TSHZ2: variants seen among roughly 807,000 people sequenced by gnomAD.
TSHZ2 encodes the protein teashirt homolog 2.
In TSHZ2, 21 loss-of-function variants were observed where a neutral mutation model predicts 74.4. That is an observed-to-expected ratio of 0.28 (90% CI 0.20 to 0.41). The LOEUF (loss-of-function observed/expected upper bound fraction) is 0.41, where lower values mean the gene tolerates loss of function less well. Ranked by LOEUF, TSHZ2 falls within the 10% of genes least tolerant of loss-of-function variation. The pLI, the probability that TSHZ2 is intolerant of heterozygous loss-of-function variation, is 1.00. For synonymous variants in TSHZ2, 540 were observed against 515.3 expected, an observed-to-expected ratio of 1.05 and a Z score of -0.65; for missense variants, 1,244 against 1,293.5, an observed-to-expected ratio of 0.96 and a Z score of 0.59.
At chr20:53,109,237 A>T (rs1342709563) in intron 1 of TSHZ2, among the ~76,000 whole-genome samples, 1 of 152,224 alleles carries the variant, frequency 6.6e-6, no homozygotes, top group Non-Finnish European at 1.5e-5. Context: ...GGATTAAATG[A>T]GTTAGAGCTA....
intron 1 of TSHZ2, among the ~76,000 whole-genome samples, chr20:53,243,306 T>G (rs755206843): frequency 8.5e-5 from 13 of 152,158 alleles, no homozygotes; most frequent in Non-Finnish European, 1.6e-4. Flanking sequence ...AGGGTAGTTC[T>G]GAGATGGAAA....
chr20:53,142,823 GAA>G (rs34283169), intron 1 of TSHZ2, among the ~76,000 whole-genome samples: 58 of 141,552 alleles, frequency 4.1e-4, no homozygotes, highest in Middle Eastern at 3.6e-3. Context: ...GTATTAAGAT[GAA>G]AAAAAAAAAA....
chr20:53,473,673 C>G (rs1985902104), intron 2 of TSHZ2, among the ~76,000 whole-genome samples: 1 of 151,516 alleles, frequency 6.6e-6, no homozygotes, highest in Non-Finnish European at 1.5e-5. Context: ...CTTTGACGAG[C>G]TGAGAGAAAA....
intron 1 of TSHZ2, among the ~76,000 whole-genome samples, chr20:53,154,186 G>A (rs753662031): frequency 2.6e-5 from 4 of 152,150 alleles, no homozygotes; most frequent in Non-Finnish European, 4.4e-5. Context: ...GACTAGAACA[G>A]GGGACTTGAA....
At chr20:53,089,341 T>TTTTTTTTTTTTTTTTTTTA (rs370108566) in intron 1 of TSHZ2, among the ~76,000 whole-genome samples, 1 of 129,742 alleles carries the variant, frequency 7.7e-6, no homozygotes, top group Non-Finnish European at 1.6e-5. Context: ...TTTTTTTTTT[T>TTTTTTTTTTTTTTTTTTTA]ATTAAACAGA....
intron 1 of TSHZ2, chr20:53,198,135 G>A (rs1251200331): frequency 6.6e-6 from 1 of 152,170 alleles, no homozygotes; most frequent in Non-Finnish European, 1.5e-5. Flanking sequence ...TTGAGAATTT[G>A]GTAAAAGCTA....
intron 1 of TSHZ2, among the ~76,000 whole-genome samples, chr20:52,977,303 C>T (rs751507642): frequency 6.6e-6 from 1 of 152,090 alleles, no homozygotes; most frequent in Non-Finnish European, 1.5e-5. Context: ...CCCTTCCTCC[C>T]TCACTTTGTT....
intron 1 of TSHZ2, among the ~76,000 whole-genome samples, chr20:53,250,216 T>C (rs959180758): frequency 6.6e-6 from 1 of 152,256 alleles, no homozygotes; most frequent in Non-Finnish European, 1.5e-5. Flanking sequence ...ACAGTTCTTT[T>C]GTCCTGTGCT....
At chr20:53,283,474 A>G (rs952338391) in intron 2 of TSHZ2, among the ~76,000 whole-genome samples, 1 of 152,198 alleles carries the variant, frequency 6.6e-6, no homozygotes, top group African/African-American at 2.4e-5. Flanking sequence ...AAGCGCCTTG[A>G]CCATCACCAC....
intron 1 of TSHZ2, among the ~76,000 whole-genome samples, chr20:53,230,146 T>C (rs1989789337): frequency 6.6e-6 from 1 of 152,130 alleles, no homozygotes; most frequent in Non-Finnish European, 1.5e-5. Flanking sequence ...GAATGGACAT[T>C]GTTCACTCAT....
At chr20:53,478,375 A>C (rs1986044285) in intron 2 of TSHZ2, among the ~76,000 whole-genome samples, 1 of 151,974 alleles carries the variant, frequency 6.6e-6, no homozygotes, top group Non-Finnish European at 1.5e-5. Context: ...ACATGGATGA[A>C]ATTGGAAGTC....
intron 1 of TSHZ2, among the ~76,000 whole-genome samples, chr20:53,079,254 G>T (rs1349151147): frequency 6.6e-6 from 1 of 152,178 alleles, no homozygotes. Flanking sequence ...ACTTGGCTGA[G>T]CTCCTGGGTG....
At chr20:53,340,173 CTTTCTTTTTTCTT>C (rs1341367159) in intron 2 of TSHZ2, among the ~76,000 whole-genome samples, 14 of 62,122 alleles carry the variant, frequency 2.3e-4, no homozygotes, top group African/African-American at 1.1e-3. Context: ...GGTGACTTTT[CTTTCTTTTTTCTT>C]TTTTTTTTTT....
At chr20:53,039,781 AACAC>A (rs61356112) in intron 1 of TSHZ2, among the ~76,000 whole-genome samples, 62,749 of 149,428 alleles carry the variant, frequency 0.42, 13,999 homozygotes, top group East Asian at 0.63. Context: ...CTCCATCTCA[AACAC>A]ACACACACAC....
intron 1 of TSHZ2, among the ~76,000 whole-genome samples, chr20:53,241,498 T>A (rs1444171123): frequency 6.6e-6 from 1 of 152,156 alleles, no homozygotes; most frequent in East Asian, 1.9e-4. Context: ...CTCAATCTGA[T>A]AAGGGGATTT....
chr20:53,248,120 C>T (rs1008955313), intron 1 of TSHZ2, among the ~76,000 whole-genome samples: 7 of 152,168 alleles, frequency 4.6e-5, no homozygotes, highest in Non-Finnish European at 1.0e-4. Context: ...ACCCAGACTG[C>T]AGGGCAGTGG....
chr20:53,482,294 C>T (rs530489585), intron 2 of TSHZ2, among the ~76,000 whole-genome samples: 1 of 151,968 alleles, frequency 6.6e-6, no homozygotes, highest in Admixed American at 6.6e-5. Flanking sequence ...ATCTCTTAAC[C>T]CTCTGTTTCC....
At chr20:53,462,029 C>T (rs1050507494) in intron 2 of TSHZ2, among the ~76,000 whole-genome samples, 1 of 151,424 alleles carries the variant, frequency 6.6e-6, no homozygotes, top group African/African-American at 2.4e-5. Flanking sequence ...GTCAGGAGTT[C>T]GAGACCAGCC....
chr20:53,051,439 T>C (rs542490093), intron 1 of TSHZ2, among the ~76,000 whole-genome samples: 2 of 145,950 alleles, frequency 1.4e-5, no homozygotes, highest in Non-Finnish European at 3.0e-5. Flanking sequence ...ATTCTTATCA[T>C]ATTACTCTGT....
Sources: allele counts gnomAD v4.1 joint callset (sites outside exome capture counted in the v4.1 genomes callset), GRCh38; gene constraint gnomAD v4.1.1; transcripts MANE v1.5; gene names NCBI Gene and HGNC (gene_info 2026-07-23, HGNC 2026-07-21).